C8orf34: variants seen among roughly 807,000 people sequenced by gnomAD.
C8orf34 encodes uncharacterized protein C8orf34.
A neutral mutation model predicts 68.3 loss-of-function variants in C8orf34; 65 were observed. The ratio of observed to expected loss-of-function variants is 0.95; its 90% CI spans 0.78 to 1.17. The LOEUF is 1.17. Ranked by LOEUF, C8orf34 falls within the 50% of genes most tolerant of loss-of-function variation. C8orf34 has a pLI of 0.00. For missense variants in C8orf34, 664 were observed against 655.4 expected, an observed-to-expected ratio of 1.01 and a Z score of -0.14; for synonymous variants, 244 against 241.2, an observed-to-expected ratio of 1.01 and a Z score of -0.11.
At chr8:68,789,555 C>G (rs536867395) in intron 12 of C8orf34, among the ~76,000 whole-genome samples, 46 of 152,234 alleles carry the variant, frequency 3.0e-4, no homozygotes, top group African/African-American at 1.0e-3. Flanking sequence ...TGCCTTTCTG[C>G]TTATATTTTT....
chr8:68,387,947 T>C (rs1808327592), intron 1 of C8orf34, among the ~76,000 whole-genome samples: 2 of 152,328 alleles, frequency 1.3e-5, no homozygotes, highest in South Asian at 4.1e-4. Flanking sequence ...TCTTCTCTTG[T>C]TGCAGGACTT....
chr8:68,633,337 C>G (rs1251656972), intron 7 of C8orf34, among the ~76,000 whole-genome samples: 1 of 152,130 alleles, frequency 6.6e-6, no homozygotes, highest in Non-Finnish European at 1.5e-5. Context: ...CATTTTCCCC[C>G]CAACCTCAGT....
chr8:68,727,697 TC>T (rs1821872298), intron 10 of C8orf34, among the ~76,000 whole-genome samples: 1 of 152,204 alleles, frequency 6.6e-6, no homozygotes, highest in Non-Finnish European at 1.5e-5. Flanking sequence ...ACCCACATGC[TC>T]AACACCACAA....
At chr8:68,542,395 C>T (rs1815731516) in intron 7 of C8orf34, among the ~76,000 whole-genome samples, 1 of 152,130 alleles carries the variant, frequency 6.6e-6, no homozygotes. Flanking sequence ...CCTTTCTTTT[C>T]TTTTTTTCTC....
intron 9 of C8orf34, among the ~76,000 whole-genome samples, chr8:68,710,319 G>A (rs1055604046): frequency 2.6e-5 from 4 of 152,198 alleles, no homozygotes; most frequent in Admixed American, 2.6e-4. Flanking sequence ...TCTAGATGAG[G>A]AGGCTCATGG....
intron 10 of C8orf34, among the ~76,000 whole-genome samples, chr8:68,747,875 G>GA (rs1445865759): frequency 9.2e-5 from 14 of 151,980 alleles, no homozygotes; most frequent in African/African-American, 3.4e-4. Context: ...CACAGAATTG[G>GA]AAAAAACTAC....
At chr8:68,417,617 G>A (rs902792015) in intron 1 of C8orf34, among the ~76,000 whole-genome samples, 1 of 152,112 alleles carries the variant, frequency 6.6e-6, no homozygotes, top group Non-Finnish European at 1.5e-5. Context: ...AATACTGGAA[G>A]AGTTTAGTAT....
rs185664393 is a variant in C8orf34, at chr8:68,561,980, A to T, written c.1105+28831A>T. ...CCACCTTGGGGCTATTTTACAGTAA[A>T]TTTTTTTTAACTAGTAGAAGGAGTA... is the stretch of plus-strand genomic sequence containing the variant. On this transcript the variant is annotated intron_variant, in intron 7 of 13. Coordinates refer to ENST00000518698, the MANE Select transcript of C8orf34 (RefSeq NM_052958.4). Among the ~76,000 whole-genome samples the T allele has an allele frequency of 7.1e-3, 1,078 of 152,132 alleles. 5 individuals are homozygous for T. Among genetic ancestry groups the T allele is most frequent in the Middle Eastern group, 0.01 (3 of 294 alleles).
intron 5 of C8orf34, among the ~76,000 whole-genome samples, chr8:68,500,303 A>C (rs557469977): frequency 6.6e-6 from 1 of 152,308 alleles, no homozygotes; most frequent in East Asian, 1.9e-4. Flanking sequence ...GGACCTTCTA[A>C]AAAATAACTG....
chr8:68,368,697 T>G (rs1807424687), intron 1 of C8orf34, among the ~76,000 whole-genome samples: 1 of 152,198 alleles, frequency 6.6e-6, no homozygotes, highest in Non-Finnish European at 1.5e-5. Context: ...TAAAGGTTTT[T>G]CTCTATGTAT....
chr8:68,366,507 G>C (rs1365396682), intron 1 of C8orf34, among the ~76,000 whole-genome samples: 18 of 149,540 alleles, frequency 1.2e-4, no homozygotes, highest in Admixed American at 7.3e-4. Flanking sequence ...TTACTACAAG[G>C]CTACAGTAAC....
At chr8:68,763,069 A>G (rs1823066446) in intron 10 of C8orf34, among the ~76,000 whole-genome samples, 1 of 152,182 alleles carries the variant, frequency 6.6e-6, no homozygotes, top group South Asian at 2.1e-4. Context: ...CATCAGTGAA[A>G]CAGATTCCTA....
intron 8 of C8orf34, among the ~76,000 whole-genome samples, chr8:68,654,296 T>C (rs1051850346): frequency 2.6e-5 from 4 of 152,198 alleles, no homozygotes; most frequent in Non-Finnish European, 5.9e-5. Flanking sequence ...CTGTTGTTGA[T>C]AAATTACCCA....
At chr8:68,570,293 C>T (rs1269307850) in intron 7 of C8orf34, among the ~76,000 whole-genome samples, 2 of 152,212 alleles carry the variant, frequency 1.3e-5, no homozygotes, top group Non-Finnish European at 2.9e-5. Context: ...CTTTCCTACT[C>T]ATCCTGAGAA....
At chr8:68,470,841 C>T (rs919890523) in intron 4 of C8orf34, among the ~76,000 whole-genome samples, 6 of 152,066 alleles carry the variant, frequency 3.9e-5, no homozygotes, top group Admixed American at 6.6e-5. Flanking sequence ...TCCTAATTAC[C>T]TCCCAGGCTC....
chr8:68,671,379 G>A (rs957918490), intron 8 of C8orf34, among the ~76,000 whole-genome samples: 6 of 152,136 alleles, frequency 3.9e-5, no homozygotes, highest in Non-Finnish European at 5.9e-5. Flanking sequence ...AATTGTGCTG[G>A]TGCCACTTAG....
intron 8 of C8orf34, among the ~76,000 whole-genome samples, chr8:68,645,961 T>C (rs1488506941): frequency 6.6e-6 from 1 of 152,186 alleles, no homozygotes; most frequent in African/African-American, 2.4e-5. Flanking sequence ...TCTCTGACCT[T>C]GTCTCCTCCT....
intron 12 of C8orf34, among the ~76,000 whole-genome samples, chr8:68,789,447 A>T (rs1823931770): frequency 6.6e-6 from 1 of 152,238 alleles, no homozygotes; most frequent in South Asian, 2.1e-4. Flanking sequence ...AAATCCATAT[A>T]TCTCCAATCA....
At chr8:68,817,367 T>A (rs966893514) in intron 13 of C8orf34, among the ~76,000 whole-genome samples, 1 of 152,118 alleles carries the variant, frequency 6.6e-6, no homozygotes, top group African/African-American at 2.4e-5. Context: ...CTGGGGTTAG[T>A]TGGAGTAAGT....
Sources: gnomAD v4.1 joint callset for allele counts (sites outside exome capture counted in the v4.1 genomes callset) on GRCh38, gnomAD v4.1.1 for gene constraint, MANE v1.5 for transcripts, NCBI Gene and HGNC (gene_info 2026-07-23, HGNC 2026-07-21) for gene names.